The following DPP6 variants were observed in gnomAD, a reference collection of about 807,000 sequenced individuals.
DPP6 encodes the protein dipeptidyl peptidase like 6.
A neutral mutation model predicts 122.6 loss-of-function variants in DPP6; 69 were observed. That is an observed-to-expected ratio of 0.56 (90% confidence interval 0.46 to 0.69). DPP6 has a LOEUF of 0.69. DPP6 is among the 30% of genes least tolerant of loss of function. DPP6 has a pLI of 0.00. For synonymous variants in DPP6, 418 were observed against 433.1 expected, an observed-to-expected ratio of 0.97 and a Z score of 0.43; for missense variants, 928 against 1,116.9, an observed-to-expected ratio of 0.83 and a Z score of 2.41.
At chr7:153,935,250 G>C (rs2215192) in intron 1 of DPP6, among the ~76,000 whole-genome samples, 1 of 151,452 alleles carries the variant, frequency 6.6e-6, no homozygotes, top group Non-Finnish European at 1.5e-5. Flanking sequence ...CCAGAGAAGG[G>C]GGGGGACGTG....
chr7:153,828,383 G>A, the DPP6 span, among the ~76,000 whole-genome samples: 17 of 152,194 alleles, frequency 1.1e-4, no homozygotes, highest in Non-Finnish European at 1.8e-4. Flanking sequence ...AATGATACAC[G>A]CACACATGTA....
At chr7:154,073,156 C>A (rs184944803) in intron 1 of DPP6, among the ~76,000 whole-genome samples, 1 of 152,190 alleles carries the variant, frequency 6.6e-6, no homozygotes, top group East Asian at 1.9e-4. Flanking sequence ...AATGTAAAGT[C>A]GCTCTGTGCA....
the DPP6 span, among the ~76,000 whole-genome samples, chr7:153,822,152 C>A: frequency 7.3e-6 from 1 of 137,624 alleles, no homozygotes; most frequent in Non-Finnish European, 1.5e-5. Flanking sequence ...GTGAGCTGCT[C>A]GCAGTGAAAA....
the DPP6 span, among the ~76,000 whole-genome samples, chr7:153,831,984 C>G: frequency 4.0e-3 from 610 of 152,306 alleles, 2 homozygotes; most frequent in African/African-American, 0.013. Context: ...TCATGAGCGC[C>G]TCATAATAGG....
intron 7 of DPP6, among the ~76,000 whole-genome samples, chr7:154,696,649 G>T (rs769422378): frequency 2.0e-5 from 3 of 152,226 alleles, no homozygotes; most frequent in Non-Finnish European, 4.4e-5. Flanking sequence ...GCTCTGTCCT[G>T]TTGGGCAAAT....
intron 1 of DPP6, among the ~76,000 whole-genome samples, chr7:154,135,401 C>T (rs1358157914): frequency 1.1e-4 from 16 of 151,940 alleles, no homozygotes; most frequent in African/African-American, 3.9e-4. Flanking sequence ...TGAGCATACA[C>T]CTCCTATCTA....
At chr7:154,471,936 A>G (rs1169331530) in intron 2 of DPP6, among the ~76,000 whole-genome samples, 1 of 152,198 alleles carries the variant, frequency 6.6e-6, no homozygotes, top group Non-Finnish European at 1.5e-5. Flanking sequence ...TGGGTAATAG[A>G]ACAGTCTAGG....
At chr7:154,127,340 T>C (rs929698021) in intron 1 of DPP6, among the ~76,000 whole-genome samples, 1 of 152,132 alleles carries the variant, frequency 6.6e-6, no homozygotes, top group African/African-American at 2.4e-5. Flanking sequence ...ATTGCATTTG[T>C]TTTAGGTACA....
At chr7:154,864,101 G>A (rs959010489) in intron 17 of DPP6, among the ~76,000 whole-genome samples, 3 of 152,202 alleles carry the variant, frequency 2.0e-5, no homozygotes, top group South Asian at 4.1e-4. Context: ...TCAGGCCAAG[G>A]CAACAGGGAG....
chr7:153,857,515 T>C, the DPP6 span, among the ~76,000 whole-genome samples: 1 of 152,208 alleles, frequency 6.6e-6, no homozygotes, highest in Non-Finnish European at 1.5e-5. Flanking sequence ...CTTTCTGGCA[T>C]GTGACTTAGG....
the DPP6 span, among the ~76,000 whole-genome samples, chr7:153,762,033 T>G: frequency 6.6e-6 from 1 of 152,198 alleles, no homozygotes; most frequent in East Asian, 1.9e-4. Context: ...ACTCTTCTAG[T>G]TACATGTCCT....
chr7:154,761,184 G>A (rs1795528149), intron 8 of DPP6, among the ~76,000 whole-genome samples: 1 of 152,158 alleles, frequency 6.6e-6, no homozygotes, highest in African/African-American at 2.4e-5. Flanking sequence ...AAATACAATG[G>A]CATAAAACTG....
intron 8 of DPP6, among the ~76,000 whole-genome samples, chr7:154,764,760 C>G (rs1233272349): frequency 1.3e-5 from 2 of 152,190 alleles, no homozygotes; most frequent in Admixed American, 6.5e-5. Flanking sequence ...TACTGTATTA[C>G]AAACTTCCAA....
chr7:154,234,930 C>G (rs1801116089), intron 1 of DPP6, among the ~76,000 whole-genome samples: 2 of 152,130 alleles, frequency 1.3e-5, no homozygotes, highest in African/African-American at 4.8e-5. Flanking sequence ...CCCTTCAGCC[C>G]CTCTTCCAAA....
At chr7:154,094,539 C>G (rs1157528794) in intron 1 of DPP6, 1 of 152,254 alleles carries the variant, frequency 6.6e-6, no homozygotes, top group Admixed American at 6.5e-5. Context: ...AGAGGCATGG[C>G]TGGGAGGCAT....
At chr7:154,819,821 G>A (rs1448233076) in intron 16 of DPP6, among the ~76,000 whole-genome samples, 3 of 152,222 alleles carry the variant, frequency 2.0e-5, no homozygotes, top group Admixed American at 6.5e-5. Flanking sequence ...ACAAGGGAAT[G>A]TAACATAATT....
chr7:154,769,016 C>T (rs927946500), intron 8 of DPP6, among the ~76,000 whole-genome samples: 5 of 152,178 alleles, frequency 3.3e-5, no homozygotes, highest in Non-Finnish European at 7.3e-5. Flanking sequence ...GACACGCTTC[C>T]ATGTGAATTT....
the DPP6 span, among the ~76,000 whole-genome samples, chr7:153,850,449 A>G: frequency 6.6e-6 from 1 of 152,198 alleles, no homozygotes; most frequent in Admixed American, 6.5e-5. Flanking sequence ...TAATGCTACA[A>G]CTTCATGTAA....
At chr7:154,392,772 T>C (rs1214545264) in intron 1 of DPP6, among the ~76,000 whole-genome samples, 2 of 152,208 alleles carry the variant, frequency 1.3e-5, no homozygotes, top group African/African-American at 2.4e-5. Context: ...AAGGTTATAA[T>C]TGTGTAGAAT....
Sources: gnomAD v4.1 joint callset for allele counts (sites outside exome capture counted in the v4.1 genomes callset) on GRCh38, gnomAD v4.1.1 for gene constraint, MANE v1.5 for transcripts, NCBI Gene and HGNC (gene_info 2026-07-23, HGNC 2026-07-21) for gene names.